The following AHI1 variants were observed in gnomAD, a reference collection of about 807,000 sequenced individuals.
AHI1 encodes the protein Abelson helper integration site 1.
A neutral mutation model predicts 149.3 loss-of-function variants in AHI1; 123 were observed. The observed-to-expected ratio is 0.82, with a 90% CI of 0.71 to 0.96. The LOEUF is 0.96. Ranked by LOEUF, AHI1 falls within the 40% of genes least tolerant of loss-of-function variation. The pLI is 0.00. For missense variants in AHI1, 1,439 were observed against 1,422.7 expected (o/e 1.01, Z -0.18); for synonymous variants, 475 against 459.8 (o/e 1.03, Z -0.42).
intron 6 of AHI1, among the ~76,000 whole-genome samples, chr6:135,466,614 A>G (rs983744443): frequency 6.6e-6 from 1 of 152,228 alleles, no homozygotes; most frequent in Non-Finnish European, 1.5e-5. Flanking sequence ...ATGGGAAAAA[A>G]GTACTTAAGG....
chr6:135,435,862 T>C (rs899865451), intron 15 of AHI1, among the ~76,000 whole-genome samples: 11 of 152,106 alleles, frequency 7.2e-5, no homozygotes, highest in South Asian at 2.1e-4. Flanking sequence ...GGAGGGAGAA[T>C]TGGCAGACTT....
intron 24 of AHI1, among the ~76,000 whole-genome samples, chr6:135,343,574 A>G (rs1048456524): frequency 1.3e-5 from 2 of 151,742 alleles, no homozygotes; most frequent in African/African-American, 4.8e-5. Context: ...CAGACTCTAA[A>G]TATAAACTCT....
chr6:135,452,543 G>T (rs1329774565), intron 11 of AHI1, among the ~76,000 whole-genome samples: 1 of 152,144 alleles, frequency 6.6e-6, no homozygotes, highest in Non-Finnish European at 1.5e-5. Flanking sequence ...ACATAACAGA[G>T]TATATATCTT....
At chr6:135,301,151 A>G in intron 26 of AHI1, 1 of 984,530 alleles carries the variant, frequency 1.0e-6, no homozygotes, top group Non-Finnish European at 1.2e-6. Context: ...ATATTAAAGT[A>G]TACTGTGGGA....
At chr6:135,304,874 G>C (rs569137876) in intron 26 of AHI1, among the ~76,000 whole-genome samples, 1 of 152,264 alleles carries the variant, frequency 6.6e-6, no homozygotes, top group South Asian at 2.1e-4. Context: ...ATAATTAGGA[G>C]GGTGTTTTGG....
At chr6:135,385,606 T>C (rs1202763695) in intron 23 of AHI1, among the ~76,000 whole-genome samples, 1 of 151,626 alleles carries the variant, frequency 6.6e-6, no homozygotes, top group African/African-American at 2.4e-5. Context: ...TCTGAAAACA[T>C]TATTGGAGGG....
In AHI1 at chr6:135,479,479, T is replaced by G. The variant is rs1266430860; in HGVS notation, c.135+11144A>C. ...ATGACTGCCCTGCTGGGTTCTGGAC[T>G]TGCATGGGGCCTATAGCCCCTTTGT... On this transcript the variant is annotated intron_variant, in intron 5 of 28. Coordinates refer to ENST00000265602, the MANE Select transcript of AHI1 (RefSeq NM_001134831.2). Among the ~76,000 whole-genome samples the G allele has an allele frequency of 3.9e-5, 6 of 152,220 alleles. 1 individual carries two copies. The highest frequency in any genetic ancestry group is 3.3e-4 in the Admixed American group (5 of 15,288).
intron 18 of AHI1, 85 bp downstream of exon 18, chr6:135,429,797 G>T: frequency 1.2e-6 from 1 of 833,436 alleles, no homozygotes; most frequent in African/African-American, 1.7e-5. Flanking sequence ...GCTTAGTTGA[G>T]AACCACTACC....
chr6:135,324,083 G>A (rs141685406), intron 24 of AHI1, among the ~76,000 whole-genome samples: 2,516 of 152,288 alleles, frequency 0.017, 64 homozygotes, highest in African/African-American at 0.057. Flanking sequence ...ACTTTGGGAG[G>A]CCGAGGCAGG....
intron 20 of AHI1, among the ~76,000 whole-genome samples, chr6:135,418,401 A>G (rs1452881942): frequency 3.3e-5 from 5 of 152,150 alleles, no homozygotes; most frequent in Non-Finnish European, 5.9e-5. Context: ...TCAAAATTTT[A>G]CAAAATTAAA....
intron 5 of AHI1, among the ~76,000 whole-genome samples, chr6:135,483,816 C>A (rs989726493): frequency 4.6e-5 from 7 of 152,218 alleles, no homozygotes; most frequent in African/African-American, 1.7e-4. Context: ...TACTTCCTAT[C>A]CATACACTTG....
At chr6:135,398,436 TTAC>T (rs1392875842) in intron 22 of AHI1, among the ~76,000 whole-genome samples, 3 of 152,160 alleles carry the variant, frequency 2.0e-5, no homozygotes, top group Non-Finnish European at 4.4e-5. Context: ...AACCAGTTCA[TTAC>T]TACTACATTA....
intron 24 of AHI1, among the ~76,000 whole-genome samples, chr6:135,355,084 T>C (rs1239515323): frequency 6.6e-6 from 1 of 152,148 alleles, no homozygotes; most frequent in African/African-American, 2.4e-5. Flanking sequence ...AGCTGTCTAA[T>C]AGTAAAGGCA....
chr6:135,447,040 C>T lies in AHI1; in HGVS notation c.1747G>A (p.Glu583Lys), dbSNP rs770249849. 1 of 1,550,132 alleles carries T rather than the reference C, an allele frequency of 6.5e-7. No homozygotes were observed. The highest frequency in any genetic ancestry group is 1.1e-5 in the South Asian group (1 of 89,936). Residue 583 changes from glutamate to lysine, a missense_variant, in exon 13 of 29, where the codon GAA (glutamate) becomes AAA (lysine). By Grantham distance (56) the Glu-to-Lys change is moderately conservative. Transcript: ENST00000265602. ...GGGAGTCGTTTCCACTTTATTACTT[C>T]CTTTGACTCTTCTAATCCAGGTTCT... ...DTEPGLEESK[E>K]VIKWKRLPGQ...
At chr6:135,377,649 T>C (rs1261330727) in intron 23 of AHI1, among the ~76,000 whole-genome samples, 1 of 151,940 alleles carries the variant, frequency 6.6e-6, no homozygotes, top group African/African-American at 2.4e-5. Flanking sequence ...TCAGCTACTT[T>C]TTAAATTTTT....
intron 5 of AHI1, among the ~76,000 whole-genome samples, chr6:135,477,769 T>C (rs182997363): frequency 3.6e-4 from 55 of 152,262 alleles, no homozygotes; most frequent in Non-Finnish European, 7.2e-4. Flanking sequence ...CTATGCCTCC[T>C]GTATAGCCTG....
intron 25 of AHI1, among the ~76,000 whole-genome samples, chr6:135,320,291 A>G (rs1786613631): frequency 6.6e-6 from 1 of 152,190 alleles, no homozygotes; most frequent in South Asian, 2.1e-4. Context: ...AAAAGAAAAC[A>G]TAAATTATTC....
chr6:135,330,667 G>A (rs1186244760), intron 24 of AHI1, among the ~76,000 whole-genome samples: 1 of 152,188 alleles, frequency 6.6e-6, no homozygotes, highest in African/African-American at 2.4e-5. Context: ...AATCAGGGTG[G>A]TTTCACATGC....
At chr6:135,397,324 G>A (rs951949997) in intron 22 of AHI1, among the ~76,000 whole-genome samples, 9 of 151,726 alleles carry the variant, frequency 5.9e-5, no homozygotes, top group Non-Finnish European at 1.2e-4. Flanking sequence ...TATGTGCTGC[G>A]GAAAAGAATT....
Sources: allele counts gnomAD v4.1 joint callset (sites outside exome capture counted in the v4.1 genomes callset), GRCh38; gene constraint gnomAD v4.1.1; transcripts MANE v1.5; gene names NCBI Gene and HGNC (gene_info 2026-07-23, HGNC 2026-07-21).